The following DPH6 variants were observed in gnomAD, a reference collection of about 807,000 sequenced individuals.
DPH6 encodes diphthamine biosynthesis 6, also known as diphthine--ammonia ligase.
In DPH6, 33 loss-of-function variants were observed where a neutral mutation model predicts 38.2. That is an observed-to-expected ratio of 0.86 (90% CI 0.65 to 1.15). The LOEUF is 1.15. Among genes scored for constraint, DPH6 ranks in the 50% most tolerant of loss-of-function variants. The pLI is 0.00. For missense variants in DPH6, 325 were observed against 320.0 expected, an observed-to-expected ratio of 1.02 and a Z score of -0.12; for synonymous variants, 108 against 103.0, an observed-to-expected ratio of 1.05 and a Z score of -0.30.
chr15:35,346,285 C>CTACTATCTACTATCTA (rs2052461277), intron 3 of DPH6, among the ~76,000 whole-genome samples: 1 of 152,002 alleles, frequency 6.6e-6, no homozygotes, highest in Non-Finnish European at 1.5e-5. Flanking sequence ...TAAGTGAAGT[C>CTACTATCTACTATCTA]ATCTACTCTT....
chr15:35,282,102 A>G (rs1566858715), intron 3 of DPH6, among the ~76,000 whole-genome samples: 2 of 152,110 alleles, frequency 1.3e-5, no homozygotes, highest in African/African-American at 4.8e-5. Context: ...TTTTTATATA[A>G]AACTAATTTT....
chr15:35,158,617 A>T, the DPH6 span, among the ~76,000 whole-genome samples: 3 of 152,072 alleles, frequency 2.0e-5, no homozygotes, highest in Non-Finnish European at 4.4e-5. Flanking sequence ...TGAATTAAAT[A>T]AGTGGGAGAT....
At chr15:35,236,740 T>C (rs1158384519) in intron 3 of DPH6, among the ~76,000 whole-genome samples, 2 of 152,208 alleles carry the variant, frequency 1.3e-5, no homozygotes, top group Non-Finnish European at 2.9e-5. Context: ...ATGATTTTGA[T>C]ATCCTTTTTG....
At chr15:35,286,074 T>A (rs898045528) in intron 3 of DPH6, among the ~76,000 whole-genome samples, 1 of 151,992 alleles carries the variant, frequency 6.6e-6, no homozygotes, top group Non-Finnish European at 1.5e-5. Context: ...AAAACAAATA[T>A]AGTTTGCTTC....
intron 3 of DPH6, among the ~76,000 whole-genome samples, chr15:35,473,913 A>AGTGT (rs58549209): frequency 0.015 from 1,965 of 126,788 alleles, 29 homozygotes; most frequent in Non-Finnish European, 0.018. Context: ...CACTGTGCAC[A>AGTGT]GTGTGTGTGT....
chr15:35,365,996 C>T (rs753945806), downstream of DPH6: 1 of 985,224 alleles, frequency 1.0e-6, no homozygotes, highest in Non-Finnish European at 1.2e-6. Context: ...TGGGGAGAGA[C>T]AGGGTAGGAA....
chr15:35,194,369 CAGAGAGAG>C, the DPH6 span, among the ~76,000 whole-genome samples: 2 of 144,650 alleles, frequency 1.4e-5, no homozygotes, highest in South Asian at 4.4e-4. Flanking sequence ...TTCCTTTTTC[CAGAGAGAG>C]AGAGAGAGAG....
intron 3 of DPH6, among the ~76,000 whole-genome samples, chr15:35,338,817 T>G (rs1008209348): frequency 6.6e-6 from 1 of 152,096 alleles, no homozygotes. Flanking sequence ...ATTAAGAAAA[T>G]GTGGCACATA....
At chr15:35,312,796 C>T (rs1595473113) in intron 3 of DPH6, among the ~76,000 whole-genome samples, 1 of 152,194 alleles carries the variant, frequency 6.6e-6, no homozygotes, top group East Asian at 1.9e-4. Context: ...TCATTGTATG[C>T]TCTTGGTGCC....
At position 35,303,282 on chromosome 15, in the gene DPH6, T is replaced by TA. The variant is rs1446363387; in HGVS notation, n.200+70238dup. 2.0e-5 allele frequency among the ~76,000 whole-genome samples: 3 copies of TA among 151,968 alleles called. No individual in the cohort carries two copies. The East Asian group carries it at 5.8e-4, about 29-fold the overall frequency. On this transcript the variant is annotated intron_variant and non_coding_transcript_variant, in intron 3 of 3. Coordinates refer to the DPH6 transcript ENST00000560386. ...GTCTATAAAGGTGCGATGTTATCTA[T>TA]ATGTAGTCAGATGAAAGTAATACAA...
At chr15:35,470,123 G>A (rs925709216) in intron 3 of DPH6, among the ~76,000 whole-genome samples, 30 of 152,224 alleles carry the variant, frequency 2.0e-4, no homozygotes, top group African/African-American at 5.5e-4. Context: ...GCTTGAACCC[G>A]GGAGGCAGAG....
At chr15:35,374,514 T>C (rs2052755037) in intron 7 of DPH6, among the ~76,000 whole-genome samples, 2 of 152,092 alleles carry the variant, frequency 1.3e-5, no homozygotes, top group Admixed American at 1.3e-4. Context: ...AATCTCAAAA[T>C]ATTTGGCTCC....
At chr15:35,157,966 ATCT>A in the DPH6 span, among the ~76,000 whole-genome samples, 1 of 152,086 alleles carries the variant, frequency 6.6e-6, no homozygotes, top group East Asian at 1.9e-4. Flanking sequence ...TCCTTATCAG[ATCT>A]TCTAGATTTA....
At position 35,365,054 on chromosome 15, in the gene DPH6, G is replaced by C. The variant is rs1205611991; in HGVS notation, n.207+8467C>G. 6.3e-4 allele frequency among the ~76,000 whole-genome samples: 96 copies of C among 151,810 alleles called. 1 individual carries two copies. The highest frequency in any genetic ancestry group is 1.5e-5 in the Non-Finnish European group (1 of 67,928). ...CTCTGGCTATATCTACAAGATATTG[G>C]AAAGACCTTAACCCCTTTTCTCAAA... On this transcript the variant is annotated intron_variant and non_coding_transcript_variant, in intron 3 of 3. Coordinates refer to the DPH6 transcript ENST00000558973.
downstream of DPH6, among the ~76,000 whole-genome samples, chr15:35,327,361 G>C (rs1433916110): frequency 7.1e-6 from 1 of 141,340 alleles, no homozygotes; most frequent in Non-Finnish European, 1.5e-5. Flanking sequence ...TTTTTTGAGA[G>C]GGAGTCTCAT....
At chr15:35,148,410 T>C in the DPH6 span, among the ~76,000 whole-genome samples, 2 of 152,214 alleles carry the variant, frequency 1.3e-5, no homozygotes, top group African/African-American at 4.8e-5. Context: ...ATAGACTGAA[T>C]ATAGGTTGAA....
At chr15:35,320,439 G>A (rs766165306) in intron 3 of DPH6, among the ~76,000 whole-genome samples, 12 of 152,182 alleles carry the variant, frequency 7.9e-5, no homozygotes, top group East Asian at 1.9e-4. Flanking sequence ...GAGACTCTAC[G>A]CAATCAAAGG....
chr15:35,369,621 G>GAAAA (rs4041272), downstream of DPH6, among the ~76,000 whole-genome samples: 79 of 130,366 alleles, frequency 6.1e-4, no homozygotes, highest in Middle Eastern at 4.0e-3. Context: ...CCTGTTATAT[G>GAAAA]AAAAAAAAAA....
chr15:35,238,168 A>G (rs1485025753), intron 3 of DPH6: 6 of 527,662 alleles, frequency 1.1e-5, no homozygotes, highest in Non-Finnish European at 5.9e-6. Flanking sequence ...TTTTTTTCTG[A>G]TTGTAACGTT....
Sources: allele counts gnomAD v4.1 joint callset (sites outside exome capture counted in the v4.1 genomes callset), GRCh38; gene constraint gnomAD v4.1.1; transcripts MANE v1.5; gene names NCBI Gene and HGNC (gene_info 2026-07-23, HGNC 2026-07-21).